TAOK3: variants seen among roughly 807,000 people sequenced by gnomAD.
TAOK3 encodes the protein serine/threonine-protein kinase TAO3.
Under a neutral mutation model 120.4 loss-of-function variants are expected in TAOK3, and 40 were observed. The observed-to-expected ratio is 0.33, with a 90% confidence interval of 0.26 to 0.43. The LOEUF (loss-of-function observed/expected upper bound fraction) is 0.43. TAOK3 is among the 20% of genes least tolerant of loss of function. The pLI, the probability that TAOK3 is intolerant of heterozygous loss-of-function variation, is 1.00. For missense variants in TAOK3, 821 were observed against 1,112.1 expected (o/e 0.74, Z 3.72); for synonymous variants, 355 against 387.5 (o/e 0.92, Z 0.99).
intron 9 of TAOK3, among the ~76,000 whole-genome samples, chr12:118,217,189 C>T (rs955834710): frequency 2.2e-4 from 34 of 152,220 alleles, no homozygotes; most frequent in African/African-American, 7.9e-4. Context: ...ATAGAAAAGA[C>T]ATTTTCACTC....
intron 1 of TAOK3, among the ~76,000 whole-genome samples, chr12:118,283,305 C>T (rs559479567): frequency 2.0e-5 from 3 of 152,248 alleles, no homozygotes; most frequent in African/African-American, 7.2e-5. Flanking sequence ...TTACCTAGAA[C>T]CAGTGAATGT....
chr12:118,277,091 C>T (rs1337524816), intron 1 of TAOK3, among the ~76,000 whole-genome samples: 1 of 152,240 alleles, frequency 6.6e-6, no homozygotes, highest in Admixed American at 6.5e-5. Context: ...AAATCAAACT[C>T]AACAATTGCT....
At chr12:118,234,772 T>G (rs71452640) in intron 8 of TAOK3, among the ~76,000 whole-genome samples, 6,084 of 152,274 alleles carry the variant, frequency 0.04, 180 homozygotes, top group Non-Finnish European at 0.06. Flanking sequence ...AGCAATATAA[T>G]CAGCTGTTCC....
At chr12:118,191,868 T>C (rs1416696441) in intron 13 of TAOK3, among the ~76,000 whole-genome samples, 2 of 152,186 alleles carry the variant, frequency 1.3e-5, no homozygotes, top group African/African-American at 4.8e-5. Context: ...ATATGCTAGG[T>C]AGAGGCCTGT....
Position 118,240,075 on chromosome 12 carries a change from G to A in TAOK3, c.295-803C>T, listed in dbSNP as rs191772017. On this transcript the variant is annotated intron_variant, in intron 5 of 20. Transcript: ENST00000392533. ...CCCAGCTACTTGGGAGGCTAAGGAC[G>A]GAGAATCGCTGGAACTCGAGAGGTG... Among the ~76,000 whole-genome samples, 442 of 152,270 alleles carry A rather than the reference G, an allele frequency of 2.9e-3. 1 individual carries two copies. Among genetic ancestry groups the A allele is most frequent in the Non-Finnish European group, 2.7e-3 (187 of 68,010 alleles).
At chr12:118,280,481 C>G (rs1475803002) in intron 1 of TAOK3, among the ~76,000 whole-genome samples, 3 of 152,208 alleles carry the variant, frequency 2.0e-5, no homozygotes, top group Non-Finnish European at 2.9e-5. Flanking sequence ...TTTCTGTCGA[C>G]TTGGTCAAAG....
intron 13 of TAOK3, 50 bp from the exon 14 acceptor site, chr12:118,189,991 C>T (rs779477709): frequency 4.9e-5 from 78 of 1,603,916 alleles, no homozygotes; most frequent in Non-Finnish European, 6.4e-5. Context: ...GCTCTTTCCT[C>T]GCCGGCTGCC....
At chr12:118,222,427 G>T (rs2039281823) in intron 9 of TAOK3, among the ~76,000 whole-genome samples, 1 of 152,032 alleles carries the variant, frequency 6.6e-6, no homozygotes, top group African/African-American at 2.4e-5. Context: ...CAGCTACTTG[G>T]GAGGCTGAGG....
chr12:118,349,470 T>G (rs1292766432), intron 1 of TAOK3, among the ~76,000 whole-genome samples: 4 of 152,214 alleles, frequency 2.6e-5, no homozygotes, highest in African/African-American at 9.7e-5. Context: ...GGATGAATCT[T>G]GAAACATTAT....
At chr12:118,168,381 C>A (rs762711573) in intron 17 of TAOK3, among the ~76,000 whole-genome samples, 2 of 152,116 alleles carry the variant, frequency 1.3e-5, no homozygotes, top group Non-Finnish European at 2.9e-5. Flanking sequence ...TGTAACTATG[C>A]GGAGGTAATG....
rs537554562 is a variant in TAOK3 at position 118,366,302 on chromosome 12, T to C, written c.-194+6346A>G. Among the ~76,000 whole-genome samples the C allele has an allele frequency of 2.6e-5, 4 of 152,164 alleles. No individual in the cohort carries two copies. The East Asian group carries it at 7.7e-4, about 29-fold the overall frequency. ...ATAAAAAATAAAAAATAAAGAAAAT[T>C]GGCTATGAACTATGATTCTGTTTAG... On this transcript the variant is annotated intron_variant, in intron 1 of 20. Coordinates refer to ENST00000392533, the MANE Select transcript of TAOK3 (RefSeq NM_016281.4).
At position 118,282,277 on chromosome 12, in the gene TAOK3, T is replaced by A. The variant is rs2042124187; in HGVS notation, c.-193-15518A>T. Among the ~76,000 whole-genome samples, 3 of 152,228 alleles carry A rather than the reference T, an allele frequency of 2.0e-5. No individual in the cohort carries two copies. The South Asian group carries it at 6.2e-4, about 31-fold the overall frequency. On this transcript the variant is annotated intron_variant, in intron 1 of 20. Transcript: ENST00000392533. ...ATTAAATGAGATAATATACTCCAAG[T>A]ATGTAGTAGGTACAGAACAAAAGGT...
At chr12:118,306,826 A>T (rs1272741270) in intron 1 of TAOK3, among the ~76,000 whole-genome samples, 1 of 152,240 alleles carries the variant, frequency 6.6e-6, no homozygotes. Context: ...TCATCAGTAC[A>T]TTCAAATAGA....
chr12:118,286,566 A>AC (rs2042273928), intron 1 of TAOK3, among the ~76,000 whole-genome samples: 2 of 152,104 alleles, frequency 1.3e-5, no homozygotes, highest in East Asian at 1.9e-4. Context: ...TAAAAAAAAA[A>AC]AAACAGATGT....
chr12:118,284,509 C>T (rs1216631939), intron 1 of TAOK3, among the ~76,000 whole-genome samples: 1 of 151,992 alleles, frequency 6.6e-6, no homozygotes, highest in Non-Finnish European at 1.5e-5. Flanking sequence ...GATGTTTGTT[C>T]TCTGAATAAA....
intron 2 of TAOK3, among the ~76,000 whole-genome samples, 184 bp downstream of exon 2, chr12:118,266,471 G>A (rs1022165704): frequency 1.6e-4 from 24 of 151,816 alleles, no homozygotes; most frequent in African/African-American, 5.6e-4. Flanking sequence ...CAAAGTGCTG[G>A]GATTACAGGC....
chr12:118,322,269 C>G (rs749594226), intron 1 of TAOK3, among the ~76,000 whole-genome samples: 2 of 144,940 alleles, frequency 1.4e-5, no homozygotes, highest in Non-Finnish European at 3.0e-5. Context: ...GAGCTGAGAT[C>G]GCGCCACTAC....
rs186680669 is a variant in TAOK3, at chr12:118,323,280, C to G, written c.-194+49368G>C. On this transcript the variant is annotated intron_variant, in intron 1 of 20. Transcript: ENST00000392533. ...AAACAACAGGGTCTCAAAAACAGAA[C>G]CAAATACACATAGATATTTAATATA... is the stretch of plus-strand genomic sequence containing the variant. Among the ~76,000 whole-genome samples the G allele has an allele frequency of 5.1e-3, 781 of 152,052 alleles. 11 individuals are homozygous for G. Among genetic ancestry groups the G allele is most frequent in the African/African-American group, 0.018 (746 of 41,492 alleles).
At chr12:118,226,675 T>C (rs1282987206) in intron 9 of TAOK3, among the ~76,000 whole-genome samples, 1 of 152,218 alleles carries the variant, frequency 6.6e-6, no homozygotes. Flanking sequence ...ACTTATCAAT[T>C]TGCAGAAATA....
Sources: allele counts gnomAD v4.1 joint callset (sites outside exome capture counted in the v4.1 genomes callset), GRCh38; gene constraint gnomAD v4.1.1; transcripts MANE v1.5; gene names NCBI Gene and HGNC (gene_info 2026-07-23, HGNC 2026-07-21).